GNA14: variants seen among roughly 807,000 people sequenced by gnomAD.
GNA14 encodes the protein guanine nucleotide-binding protein subunit alpha-14.
GNA14 carries 50 observed loss-of-function variants against 42.0 expected under a neutral mutation model. The observed-to-expected ratio is 1.19, with a 90% CI of 0.95 to 1.51. The LOEUF (loss-of-function observed/expected upper bound fraction) is 1.51, where lower values mean the gene tolerates loss of function less well. GNA14 is among the 40% of genes most tolerant of loss of function. The pLI is 0.00. For missense variants in GNA14, 473 were observed against 446.2 expected, an observed-to-expected ratio of 1.06 and a Z score of -0.54; for synonymous variants, 173 against 163.1, an observed-to-expected ratio of 1.06 and a Z score of -0.46.
intron 1 of GNA14, among the ~76,000 whole-genome samples, chr9:77,629,427 C>T (rs1175200738): frequency 6.6e-6 from 1 of 152,192 alleles, no homozygotes; most frequent in Non-Finnish European, 1.5e-5. Context: ...GACACATGCA[C>T]ATGTATGTTT....
At chr9:77,635,464 A>ATT (rs1233926520) in intron 1 of GNA14, among the ~76,000 whole-genome samples, 2 of 152,198 alleles carry the variant, frequency 1.3e-5, no homozygotes, top group African/African-American at 4.8e-5. Context: ...TAATTTTAGC[A>ATT]CTTAAATTGA....
intron 2 of GNA14, among the ~76,000 whole-genome samples, chr9:77,505,510 G>A (rs535580652): frequency 1.3e-5 from 2 of 152,338 alleles, no homozygotes; most frequent in African/African-American, 4.8e-5. Context: ...GGCAGGATGA[G>A]TCGTAATTCA....
At chr9:77,641,340 T>C (rs1031680681) in intron 1 of GNA14, among the ~76,000 whole-genome samples, 2 of 151,546 alleles carry the variant, frequency 1.3e-5, no homozygotes, top group African/African-American at 2.4e-5. Flanking sequence ...TTTACTAGCC[T>C]TATAAAGTGT....
At chr9:77,436,207 T>C (rs1181807118) in intron 2 of GNA14, among the ~76,000 whole-genome samples, 1 of 152,050 alleles carries the variant, frequency 6.6e-6, no homozygotes, top group African/African-American at 2.4e-5. Context: ...TTCAGGCAGG[T>C]AGGATCTCAA....
chr9:77,530,389 G>A (rs1157373553), intron 1 of GNA14, among the ~76,000 whole-genome samples: 1 of 152,078 alleles, frequency 6.6e-6, no homozygotes, highest in Non-Finnish European at 1.5e-5. Context: ...GTTTCCTGAG[G>A]CCTCCCCAGA....
At chr9:77,515,740 G>A (rs182187289) in intron 2 of GNA14, among the ~76,000 whole-genome samples, 1 of 152,022 alleles carries the variant, frequency 6.6e-6, no homozygotes, top group African/African-American at 2.4e-5. Context: ...AAGGTAGGAG[G>A]ATCACTTGTG....
chr9:77,603,837 G>A (rs1026562641), intron 1 of GNA14, among the ~76,000 whole-genome samples: 8 of 151,168 alleles, frequency 5.3e-5, no homozygotes, highest in Admixed American at 2.6e-4. Context: ...GCGTGGTGGC[G>A]GGAGGCTGAG....
chr9:77,436,841 G>A (rs1835645828), intron 2 of GNA14, among the ~76,000 whole-genome samples: 1 of 152,212 alleles, frequency 6.6e-6, no homozygotes, highest in African/African-American at 2.4e-5. Flanking sequence ...GTAAACATCT[G>A]TGGTGCATGT....
intron 2 of GNA14, among the ~76,000 whole-genome samples, chr9:77,451,304 G>A (rs369180051): frequency 4.6e-5 from 7 of 152,160 alleles, no homozygotes; most frequent in South Asian, 2.1e-4. Context: ...GCTAAAGAAC[G>A]TATTTTTTAA....
At chr9:77,452,471 G>A (rs1310167720) in intron 2 of GNA14, among the ~76,000 whole-genome samples, 1 of 151,682 alleles carries the variant, frequency 6.6e-6, no homozygotes, top group Non-Finnish European at 1.5e-5. Flanking sequence ...TTAAAAAAAA[G>A]TTCCTTGATC....
intron 2 of GNA14, among the ~76,000 whole-genome samples, chr9:77,496,066 G>A (rs762182884): frequency 2.8e-4 from 43 of 152,190 alleles, no homozygotes; most frequent in Admixed American, 7.2e-4. Context: ...GAGATGCACC[G>A]GGGGAGGTAG....
chr9:77,569,965 C>T (rs1823036933), intron 1 of GNA14, among the ~76,000 whole-genome samples: 1 of 151,968 alleles, frequency 6.6e-6, no homozygotes, highest in African/African-American at 2.4e-5. Flanking sequence ...CGGGGTTTCA[C>T]TGTGTTGGTC....
chr9:77,552,990 A>G (rs1564052166), intron 1 of GNA14, among the ~76,000 whole-genome samples: 1 of 152,224 alleles, frequency 6.6e-6, no homozygotes, highest in African/African-American at 2.4e-5. Flanking sequence ...CATCATGACA[A>G]TATGAATGAG....
chr9:77,512,568 T>C (rs969507741), intron 2 of GNA14, among the ~76,000 whole-genome samples: 2 of 152,238 alleles, frequency 1.3e-5, no homozygotes, highest in African/African-American at 4.8e-5. Flanking sequence ...TACAGTTTCT[T>C]ATTTCTTGAG....
chr9:77,486,531 C>T (rs139019648), intron 2 of GNA14, among the ~76,000 whole-genome samples: 1 of 152,294 alleles, frequency 6.6e-6, no homozygotes, highest in East Asian at 1.9e-4. Flanking sequence ...CTATTTGGTG[C>T]AAGAGGCCTA....
At chr9:77,632,217 G>A (rs1013355031) in intron 1 of GNA14, among the ~76,000 whole-genome samples, 1 of 152,196 alleles carries the variant, frequency 6.6e-6, no homozygotes, top group South Asian at 2.1e-4. Context: ...GCCAAGGGGG[G>A]CACTGAGGGA....
chr9:77,609,277 A>G (rs1823692108), intron 1 of GNA14, among the ~76,000 whole-genome samples: 1 of 152,166 alleles, frequency 6.6e-6, no homozygotes, highest in Admixed American at 6.5e-5. Flanking sequence ...GTTTCTAATA[A>G]CCTGTTTCTC....
At chr9:77,513,891 G>GA (rs1400847887) in intron 2 of GNA14, among the ~76,000 whole-genome samples, 1 of 151,852 alleles carries the variant, frequency 6.6e-6, no homozygotes, top group East Asian at 1.9e-4. Context: ...CTTGGTTGAT[G>GA]AAAAGGGTAT....
At chr9:77,546,253 C>T (rs991896734) in intron 1 of GNA14, among the ~76,000 whole-genome samples, 1 of 150,966 alleles carries the variant, frequency 6.6e-6, no homozygotes, top group Admixed American at 6.6e-5. Context: ...TTATCTAATC[C>T]GCACTCCTTA....
Sources: allele counts gnomAD v4.1 joint callset (sites outside exome capture counted in the v4.1 genomes callset), GRCh38; gene constraint gnomAD v4.1.1; transcripts MANE v1.5; gene names NCBI Gene and HGNC (gene_info 2026-07-23, HGNC 2026-07-21).